HMGCLL1: variants seen among roughly 807,000 people sequenced by gnomAD.
HMGCLL1 encodes the protein 3-hydroxy-3-methylglutaryl-CoA lyase like 1.
In HMGCLL1, 36 loss-of-function variants were observed where a neutral mutation model predicts 39.1. The ratio of observed to expected loss-of-function variants is 0.92; its 90% CI spans 0.71 to 1.22. HMGCLL1 has a LOEUF of 1.22. Among genes scored for constraint, HMGCLL1 ranks in the 50% most tolerant of loss-of-function variants. HMGCLL1 has a pLI of 0.00. For missense variants in HMGCLL1, 451 were observed against 416.5 expected (o/e 1.08, Z -0.72); for synonymous variants, 149 against 144.0 (o/e 1.03, Z -0.25).
chr6:55,461,705 T>C (rs1331291733), intron 7 of HMGCLL1, among the ~76,000 whole-genome samples: 2 of 152,096 alleles, frequency 1.3e-5, no homozygotes, highest in African/African-American at 4.8e-5. Flanking sequence ...TAGATCAAGA[T>C]ATAAGCAAAG....
chr6:55,537,133 T>C (rs1367898650), intron 3 of HMGCLL1, among the ~76,000 whole-genome samples: 1 of 151,934 alleles, frequency 6.6e-6, no homozygotes, highest in Non-Finnish European at 1.5e-5. Context: ...ATATAAAACT[T>C]CAAAAGAGAA....
At chr6:55,586,663 C>T in the HMGCLL1 span, among the ~76,000 whole-genome samples, 10 of 151,318 alleles carry the variant, frequency 6.6e-5, no homozygotes, top group East Asian at 2.0e-4. Flanking sequence ...TTTGTCCTTG[C>T]GATAGTTTGC....
At chr6:55,436,097 G>T (rs1459942076) in intron 8 of HMGCLL1, among the ~76,000 whole-genome samples, 2 of 151,678 alleles carry the variant, frequency 1.3e-5, no homozygotes, top group Non-Finnish European at 2.9e-5. Context: ...AAGCATCAGC[G>T]AAGGACAATC....
chr6:55,486,335 G>A (rs996475939), intron 7 of HMGCLL1, among the ~76,000 whole-genome samples: 3 of 151,760 alleles, frequency 2.0e-5, no homozygotes, highest in African/African-American at 7.3e-5. Flanking sequence ...TAAAATATAG[G>A]TTTCATAGTA....
the HMGCLL1 span, among the ~76,000 whole-genome samples, chr6:55,604,954 A>G: frequency 6.6e-6 from 1 of 152,244 alleles, no homozygotes; most frequent in African/African-American, 2.4e-5. Flanking sequence ...TGAAGATGAT[A>G]TAAGTGTAGT....
chr6:55,625,938 G>A, the HMGCLL1 span, among the ~76,000 whole-genome samples: 8 of 152,136 alleles, frequency 5.3e-5, no homozygotes, highest in Non-Finnish European at 1.2e-4. Flanking sequence ...TCTTTCCCCA[G>A]CCACCTCTGC....
chr6:55,549,961 T>A (rs188388256), intron 1 of HMGCLL1, among the ~76,000 whole-genome samples: 1 of 152,016 alleles, frequency 6.6e-6, no homozygotes, highest in East Asian at 1.9e-4. Flanking sequence ...GAAACTTCCA[T>A]CAAAATACAG....
the HMGCLL1 span, among the ~76,000 whole-genome samples, chr6:55,594,408 G>T: frequency 2.1e-4 from 32 of 152,236 alleles, no homozygotes; most frequent in Non-Finnish European, 4.1e-4. Flanking sequence ...ATTTTGCTTA[G>T]TAATTGCATT....
At chr6:55,639,389 A>G in the HMGCLL1 span, among the ~76,000 whole-genome samples, 2 of 150,612 alleles carry the variant, frequency 1.3e-5, no homozygotes, top group Non-Finnish European at 2.9e-5. Context: ...TTGAACGTCT[A>G]CTAGATGGCA....
At chr6:55,568,160 G>T (rs551343055) in intron 1 of HMGCLL1, among the ~76,000 whole-genome samples, 15 of 152,102 alleles carry the variant, frequency 9.9e-5, no homozygotes, top group Admixed American at 2.0e-4. Flanking sequence ...AAGAAAAAAT[G>T]TAAAAATTGG....
At chr6:55,472,093 A>T (rs563406738) in intron 7 of HMGCLL1, among the ~76,000 whole-genome samples, 7 of 151,794 alleles carry the variant, frequency 4.6e-5, no homozygotes, top group African/African-American at 1.7e-4. Flanking sequence ...AGTTACTATA[A>T]AGAGTACTAG....
intron 7 of HMGCLL1, among the ~76,000 whole-genome samples, chr6:55,453,520 C>T (rs4236129): frequency 0.44 from 67,338 of 151,976 alleles, 14,991 homozygotes; most frequent in Admixed American, 0.47. Context: ...TGGAGCATAG[C>T]TCCTGATCAT....
intron 7 of HMGCLL1, among the ~76,000 whole-genome samples, chr6:55,446,565 T>C (rs1763849530): frequency 6.6e-6 from 1 of 151,812 alleles, no homozygotes; most frequent in South Asian, 2.1e-4. Context: ...GGAGAGCAAA[T>C]TGCCTGTAGA....
At chr6:55,622,300 G>T in the HMGCLL1 span, among the ~76,000 whole-genome samples, 35 of 151,816 alleles carry the variant, frequency 2.3e-4, no homozygotes, top group Non-Finnish European at 4.3e-4. Flanking sequence ...AAAATTTCTA[G>T]TACTATGTTG....
intron 7 of HMGCLL1, among the ~76,000 whole-genome samples, chr6:55,446,783 T>G (rs1763861609): frequency 6.6e-6 from 1 of 151,988 alleles, no homozygotes; most frequent in Non-Finnish European, 1.5e-5. Flanking sequence ...TTGCAAAATT[T>G]CTAATCTATA....
At chr6:55,623,802 C>G in the HMGCLL1 span, among the ~76,000 whole-genome samples, 1 of 151,762 alleles carries the variant, frequency 6.6e-6, no homozygotes, top group South Asian at 2.1e-4. Flanking sequence ...TTTGGCCTTT[C>G]CCACCATCAT....
intron 1 of HMGCLL1, among the ~76,000 whole-genome samples, chr6:55,561,259 T>C (rs1770931725): frequency 1.3e-5 from 2 of 152,178 alleles, no homozygotes; most frequent in African/African-American, 4.8e-5. Context: ...AAAAATCATC[T>C]TTAAAACATT....
At chr6:55,647,089 TAC>T in the HMGCLL1 span, among the ~76,000 whole-genome samples, 1 of 152,038 alleles carries the variant, frequency 6.6e-6, no homozygotes, top group Non-Finnish European at 1.5e-5. Flanking sequence ...CATATATACT[TAC>T]AATCAATGTA....
At chr6:55,586,987 A>G in the HMGCLL1 span, among the ~76,000 whole-genome samples, 3 of 151,954 alleles carry the variant, frequency 2.0e-5, no homozygotes, top group African/African-American at 4.8e-5. Context: ...TTCCACAATC[A>G]TTGAACTAGT....
Sources: allele counts gnomAD v4.1 joint callset (sites outside exome capture counted in the v4.1 genomes callset), GRCh38; gene constraint gnomAD v4.1.1; transcripts MANE v1.5; gene names NCBI Gene and HGNC (gene_info 2026-07-23, HGNC 2026-07-21).